Variants in KDM4C observed in about 807,000 individuals in gnomAD.
The protein encoded by KDM4C is lysine-specific demethylase 4C.
Under a neutral mutation model 129.3 loss-of-function variants are expected in KDM4C, and 81 were observed. The observed-to-expected ratio is 0.63, with a 90% CI of 0.52 to 0.75. KDM4C has a LOEUF of 0.75. Ranked by LOEUF, KDM4C falls within the 30% of genes least tolerant of loss-of-function variation. The pLI, the probability that KDM4C is intolerant of heterozygous loss-of-function variation, is 0.00. For missense variants in KDM4C, 1,457 were observed against 1,304.0 expected, an observed-to-expected ratio of 1.12 and a Z score of -1.81; for synonymous variants, 573 against 456.1, an observed-to-expected ratio of 1.26 and a Z score of -3.26.
At chr9:6,876,032 G>A (rs1033566656) in intron 5 of KDM4C, among the ~76,000 whole-genome samples, 3 of 152,172 alleles carry the variant, frequency 2.0e-5, no homozygotes, top group Non-Finnish European at 2.9e-5. Context: ...TCAGGCTGCT[G>A]GAGAGTTGAG....
intron 18 of KDM4C, among the ~76,000 whole-genome samples, chr9:7,116,188 C>G (rs979791935): frequency 1.3e-5 from 2 of 152,162 alleles, no homozygotes; most frequent in African/African-American, 4.8e-5. Context: ...TTGCAAGCAT[C>G]AGATACCTTA....
intron 8 of KDM4C, among the ~76,000 whole-genome samples, chr9:6,905,501 G>A (rs1271030755): frequency 2.0e-5 from 3 of 152,122 alleles, no homozygotes; most frequent in Non-Finnish European, 2.9e-5. Flanking sequence ...CATTTGTTTA[G>A]AATATCAGAG....
intron 15 of KDM4C, among the ~76,000 whole-genome samples, chr9:7,021,821 T>A (rs757786981): frequency 6.6e-6 from 1 of 152,228 alleles, no homozygotes; most frequent in Non-Finnish European, 1.5e-5. Context: ...CATTTTGATT[T>A]GATTTTTGTA....
rs1363060745 is a variant in KDM4C at position 7,171,576 on chromosome 9, A to C, written c.2994+1686A>C. 2.6e-5 allele frequency among the ~76,000 whole-genome samples: 4 copies of C among 152,060 alleles called. No homozygotes were observed. In the East Asian group the frequency reaches 7.8e-4, roughly 29 times the overall value. On this transcript the variant is annotated intron_variant, in intron 21 of 21. Transcript: ENST00000381309. The stretch of plus-strand genomic sequence containing the variant: ...CCTCTCAAAGTCTCTTGGGTCTTTC[A>C]TTTTCTAATCGATGTATGACTAAGC...
intron 14 of KDM4C, among the ~76,000 whole-genome samples, chr9:7,014,555 T>G (rs900326725): frequency 2.0e-5 from 3 of 152,190 alleles, no homozygotes; most frequent in African/African-American, 7.2e-5. Flanking sequence ...AACAATTGGA[T>G]AAGTGGTAAA....
intron 4 of KDM4C, among the ~76,000 whole-genome samples, chr9:6,842,312 C>CTTTTTT (rs759138371): frequency 9.3e-4 from 91 of 97,866 alleles, no homozygotes; most frequent in Non-Finnish European, 1.1e-3. Context: ...ATCCACATTT[C>CTTTTTT]TTTTTTTTTT....
intron 3 of KDM4C, among the ~76,000 whole-genome samples, chr9:6,810,385 C>T (rs1233774759): frequency 6.6e-6 from 1 of 152,068 alleles, no homozygotes; most frequent in Non-Finnish European, 1.5e-5. Context: ...GTTATAAAAA[C>T]TAAAATCCAC....
At chr9:6,912,723 C>T (rs1248172464) in intron 8 of KDM4C, among the ~76,000 whole-genome samples, 2 of 152,158 alleles carry the variant, frequency 1.3e-5, no homozygotes, top group African/African-American at 2.4e-5. Flanking sequence ...TTGTTTCTTT[C>T]CCCAGTAACT....
chr9:6,996,003 G>A (rs1323820497), intron 12 of KDM4C, among the ~76,000 whole-genome samples: 1 of 152,158 alleles, frequency 6.6e-6, no homozygotes, highest in Non-Finnish European at 1.5e-5. Flanking sequence ...TATTTAGGGG[G>A]TACAAGTTCA....
intron 15 of KDM4C, among the ~76,000 whole-genome samples, chr9:7,038,731 A>G (rs1309283903): frequency 5.3e-5 from 8 of 152,046 alleles, no homozygotes; most frequent in Non-Finnish European, 8.8e-5. Flanking sequence ...TTAAATTTTA[A>G]TGGACAATGT....
chr9:6,737,400 C>A (rs1401546554), intron 1 of KDM4C, among the ~76,000 whole-genome samples: 2 of 151,378 alleles, frequency 1.3e-5, no homozygotes, highest in Non-Finnish European at 2.9e-5. Flanking sequence ...GTGGCTCATG[C>A]CTGTAATCTC....
chr9:7,076,956 A>G (rs1440265073), intron 17 of KDM4C: 1 of 985,944 alleles, frequency 1.0e-6, no homozygotes, highest in African/African-American at 1.7e-5. Context: ...TCTACAGCAC[A>G]TCACAGGCCC....
chr9:7,064,124 A>T (rs575979990), intron 17 of KDM4C, among the ~76,000 whole-genome samples: 1 of 152,308 alleles, frequency 6.6e-6, no homozygotes, highest in African/African-American at 2.4e-5. Flanking sequence ...CACTTTAGAT[A>T]CAACTATAGT....
chr9:6,951,041 AT>A (rs914081459), intron 8 of KDM4C, among the ~76,000 whole-genome samples: 43 of 151,382 alleles, frequency 2.8e-4, no homozygotes, highest in East Asian at 1.2e-3. Context: ...TATTTTATTA[AT>A]TTTTTTTTAA....
intron 1 of KDM4C, among the ~76,000 whole-genome samples, chr9:6,783,841 A>T (rs1263573122): frequency 6.6e-6 from 1 of 152,226 alleles, no homozygotes; most frequent in Non-Finnish European, 1.5e-5. Flanking sequence ...GGAGGCAGAC[A>T]TCAGATTGCA....
intron 17 of KDM4C, among the ~76,000 whole-genome samples, chr9:7,067,733 A>G (rs1036699106): frequency 3.3e-5 from 5 of 152,118 alleles, no homozygotes; most frequent in African/African-American, 1.2e-4. Context: ...TCCAAAATGA[A>G]AGTCGTCTTT....
intron 1 of KDM4C, among the ~76,000 whole-genome samples, chr9:6,735,554 G>A (rs1234054476): frequency 6.6e-6 from 1 of 152,162 alleles, no homozygotes; most frequent in Non-Finnish European, 1.5e-5. Context: ...CATTAGGTCT[G>A]ACGGTTTTAA....
intron 19 of KDM4C, among the ~76,000 whole-genome samples, chr9:7,155,516 C>A (rs917242786): frequency 6.6e-6 from 1 of 152,072 alleles, no homozygotes; most frequent in Non-Finnish European, 1.5e-5. Flanking sequence ...CATCCCCCCA[C>A]CCCTCAACAG....
chr9:6,965,330 G>T (rs1305563229), intron 8 of KDM4C, among the ~76,000 whole-genome samples: 1 of 151,226 alleles, frequency 6.6e-6, no homozygotes, highest in Non-Finnish European at 1.5e-5. Flanking sequence ...GTATATTTAT[G>T]ACTAAATTAT....
Sources: allele counts gnomAD v4.1 joint callset (sites outside exome capture counted in the v4.1 genomes callset), GRCh38; gene constraint gnomAD v4.1.1; transcripts MANE v1.5; gene names NCBI Gene and HGNC (gene_info 2026-07-23, HGNC 2026-07-21).